FBXO31: variants seen among roughly 807,000 people sequenced by gnomAD.
FBXO31 encodes F-box protein 31.
Under a neutral mutation model 54.4 loss-of-function variants are expected in FBXO31, and 24 were observed. That is an observed-to-expected ratio of 0.44 (90% CI 0.32 to 0.62). The LOEUF (loss-of-function observed/expected upper bound fraction) is 0.62. Among genes scored for constraint, FBXO31 ranks in the 20% least tolerant of loss-of-function variants. The probability of loss-of-function intolerance (pLI) is 0.05; values close to 1 mark genes in which losing one functional copy is unlikely to be tolerated. For synonymous variants in FBXO31, 388 were observed against 335.6 expected, an observed-to-expected ratio of 1.16 and a Z score of -1.71; for missense variants, 665 against 787.1, an observed-to-expected ratio of 0.84 and a Z score of 1.86.
intron 5 of FBXO31, among the ~76,000 whole-genome samples, chr16:87,339,726 CAAG>C (rs1184541952): frequency 6.6e-6 from 1 of 152,194 alleles, no homozygotes. Flanking sequence ...ATTCCAATTG[CAAG>C]AAGAGACAGC....
chr16:87,380,801 A>G (rs753884265), intron 1 of FBXO31, among the ~76,000 whole-genome samples: 4 of 152,234 alleles, frequency 2.6e-5, no homozygotes, highest in African/African-American at 7.2e-5. Context: ...GAAGGGTCCT[A>G]TATCTGTCCC....
Position 87,331,123 on chromosome 16 carries a change from C to T in FBXO31, c.*165G>A. On this transcript the variant is annotated 3_prime_UTR_variant, in exon 9 of 9. Coordinates refer to ENST00000311635, the MANE Select transcript of FBXO31 (RefSeq NM_024735.5). ...CACTGACAAATATGCAGGTCTATGT[C>T]ACACTCTCTACATAAAGTGCTGGGG... The T allele has an allele frequency of 1.6e-6, 1 of 631,714 alleles. No individual in the cohort carries two copies. The allele number at this position is 631,714 out of a possible 1,614,324, so 39.1% of individuals were successfully genotyped here.
At chr16:87,391,359 G>A (rs1390938166), upstream of FBXO31, among the ~76,000 whole-genome samples, 1 of 152,248 alleles carries the variant, frequency 6.6e-6, no homozygotes, top group African/African-American at 2.4e-5. Context: ...ATTGGCCACA[G>A]GCTGAGGTGG....
chr16:87,382,943 T>G (rs1567492097), intron 1 of FBXO31, among the ~76,000 whole-genome samples: 1 of 152,022 alleles, frequency 6.6e-6, no homozygotes, highest in Non-Finnish European at 1.5e-5. Flanking sequence ...CTGCTCCCAT[T>G]TCTTCAAGTT....
upstream of FBXO31, chr16:87,383,852 A>G (rs1436556124): frequency 7.3e-6 from 6 of 819,286 alleles, no homozygotes; most frequent in African/African-American, 3.7e-5. The surrounding 1 kb of genome is among the most constrained non-coding windows in gnomAD (Gnocchi z 4.9). Flanking sequence ...CGCCCCCTGG[A>G]GAGCCTAGCC....
At chr16:87,332,137 G>A (rs961892059) in intron 8 of FBXO31, among the ~76,000 whole-genome samples, 4 of 152,334 alleles carry the variant, frequency 2.6e-5, no homozygotes, top group South Asian at 2.1e-4. Context: ...TCCAAAGGCC[G>A]GGGGAAAGAA....
upstream of FBXO31, chr16:87,384,021 C>A (rs930579140): frequency 5.1e-6 from 1 of 197,884 alleles, no homozygotes; most frequent in Non-Finnish European, 1.0e-5. Flanking sequence ...AAACGTTAGA[C>A]TGCCCCGTGT....
upstream of FBXO31, among the ~76,000 whole-genome samples, chr16:87,391,328 G>A (rs1229333986): frequency 6.6e-6 from 1 of 152,186 alleles, no homozygotes. Context: ...AAAGAATCTA[G>A]TGCTGTTCCT....
chr16:87,364,461 C>T (rs554933106), intron 1 of FBXO31, among the ~76,000 whole-genome samples: 2 of 152,208 alleles, frequency 1.3e-5, no homozygotes, highest in East Asian at 1.9e-4. Context: ...CAGTTCGCGC[C>T]GACTCTTCTC....
chr16:87,365,257 G>A (rs1038579348), intron 1 of FBXO31, among the ~76,000 whole-genome samples: 1 of 151,142 alleles, frequency 6.6e-6, no homozygotes, highest in Non-Finnish European at 1.5e-5. Context: ...CTGAGCAGGG[G>A]CAGCGAGCTC....
Position 87,380,997 on chromosome 16 carries a change from AG to A in FBXO31, c.340+2407del, listed in dbSNP as rs1165325745. Reference sequence around the variant, plus strand: ...TTACGGTTTCCCAAACAAACCCCCCAGAGGTCACCACACAGGTCTGGCCGCC... The same window carrying A: ...TTACGGTTTCCCAAACAAACCCCCCAAGGTCACCACACAGGTCTGGCCGCC... On this transcript the variant is annotated intron_variant, in intron 1 of 8. Transcript: ENST00000311635. Among the ~76,000 whole-genome samples, 37 of 152,232 alleles carry A rather than the reference AG, an allele frequency of 2.4e-4. 1 individual carries two copies. Among genetic ancestry groups the A allele is most frequent in the African/African-American group, 8.7e-4 (36 of 41,462 alleles).
chr16:87,343,587 G>A lies in FBXO31; in HGVS notation c.657+11C>T, dbSNP rs766110474. ...GGGACAGTGAGGACCCAGCCCCGCC[G>A]CTGCACACACCTGGATGTGGCCGTG... On this transcript the variant is annotated intron_variant, in intron 4 of 8. Coordinates refer to ENST00000311635, the MANE Select transcript of FBXO31 (RefSeq NM_024735.5). 18 of 1,595,514 alleles carry A rather than the reference G, an allele frequency of 1.1e-5. No individual in the cohort carries two copies. The highest frequency in any genetic ancestry group is 1.7e-4 in the Middle Eastern group (1 of 6,014).
intron 1 of FBXO31, among the ~76,000 whole-genome samples, chr16:87,377,829 A>G (rs1291263537): frequency 2.1e-5 from 3 of 143,796 alleles, no homozygotes; most frequent in African/African-American, 2.5e-5. Flanking sequence ...ACCCAGTCTC[A>G]AAAAAAAAAA....
intron 1 of FBXO31, among the ~76,000 whole-genome samples, chr16:87,381,772 C>A (rs956239656): frequency 2.0e-5 from 3 of 152,190 alleles, no homozygotes; most frequent in African/African-American, 7.2e-5. Context: ...CGCCTGTAAT[C>A]CCAACACTTT....
intron 2 of FBXO31, 39 bp from the exon 3 acceptor site, chr16:87,347,289 C>A (rs1001741161): frequency 1.3e-6 from 2 of 1,593,340 alleles, no homozygotes; most frequent in East Asian, 2.2e-5. Flanking sequence ...TGTGTTAGAC[C>A]CAGCGTGCCG....
At chr16:87,361,431 G>A (rs1292389980) in intron 1 of FBXO31, among the ~76,000 whole-genome samples, 1 of 152,082 alleles carries the variant, frequency 6.6e-6, no homozygotes, top group East Asian at 1.9e-4. Flanking sequence ...TCTCCACATG[G>A]ACCACTGCAG....
intron 1 of FBXO31, among the ~76,000 whole-genome samples, chr16:87,381,969 G>C (rs1340557046): frequency 6.6e-6 from 1 of 151,784 alleles, no homozygotes; most frequent in Admixed American, 6.6e-5. Context: ...GTTGCAGTGA[G>C]CCAAGACCGC....
At chr16:87,337,628 C>G (rs1383881362) in intron 5 of FBXO31, among the ~76,000 whole-genome samples, 3 of 152,204 alleles carry the variant, frequency 2.0e-5, no homozygotes, top group Admixed American at 2.0e-4. Context: ...GTGGACCCAG[C>G]TGCCTGATTG....
intron 1 of FBXO31, among the ~76,000 whole-genome samples, chr16:87,364,276 C>T (rs933161280): frequency 5.3e-5 from 8 of 152,232 alleles, no homozygotes; most frequent in Non-Finnish European, 7.3e-5. Context: ...AAACGTGTCA[C>T]CAGGACACAG....
Sources: allele counts gnomAD v4.1 joint callset (sites outside exome capture counted in the v4.1 genomes callset), GRCh38; gene constraint gnomAD v4.1.1; non-coding constraint Gnocchi (gnomAD v3.1); transcripts MANE v1.5; gene names NCBI Gene and HGNC (gene_info 2026-07-23, HGNC 2026-07-21).